Variants in NUP58 observed in about 807,000 individuals in gnomAD.
NUP58 encodes the protein nucleoporin 58, also known as nucleoporin p58/p45.
Under a neutral mutation model 70.1 loss-of-function variants are expected in NUP58, and 17 were observed. The observed-to-expected ratio is 0.24, with a 90% CI of 0.17 to 0.36. The LOEUF is 0.36. Ranked by LOEUF, NUP58 falls within the 10% of genes least tolerant of loss-of-function variation. The probability of loss-of-function intolerance (pLI) is 1.00; values close to 1 mark genes in which losing one functional copy is unlikely to be tolerated. For synonymous variants in NUP58, 275 were observed against 257.6 expected (o/e 1.07, Z -0.65); for missense variants, 644 against 701.5 (o/e 0.92, Z 0.93).
At chr13:25,331,269 C>G (rs2031592198) in intron 12 of NUP58, 88 bp from the exon 13 acceptor site, 1 of 1,251,772 alleles carries the variant, frequency 8.0e-7, no homozygotes, top group Non-Finnish European at 1.1e-6. Context: ...TTGGGACTGT[C>G]TTTGGTAATT....
At position 25,318,074 on chromosome 13, in the gene NUP58, A is replaced by T. The variant is rs113308408; in HGVS notation, c.686-1252A>T. 4.9e-3 allele frequency among the ~76,000 whole-genome samples: 752 copies of T among 152,134 alleles called. 4 individuals are homozygous for T. The highest frequency in any genetic ancestry group is 0.017 in the African/African-American group (705 of 41,502). ...GCCAGGCGCAGTGGCTCACGCCTGT[A>T]ATCCCAGCACTTTGGGAGGCCGGGG... On this transcript the variant is annotated intron_variant, in intron 6 of 15. Transcript: ENST00000381736.
At chr13:25,327,615 A>G in intron 12 of NUP58, 103 bp downstream of exon 12, 1 of 658,578 alleles carries the variant, frequency 1.5e-6, no homozygotes, top group East Asian at 2.7e-5. Context: ...AGCTAAAATT[A>G]CATATAAGTG....
chr13:25,309,258 A>G lies in NUP58; in HGVS notation c.262A>G (p.Thr88Ala), dbSNP rs1329353664. The stretch of plus-strand genomic sequence containing the variant: ...CTTTTTGTCCCCAGGAATAGCAACA[A>G]CTATAACTACAGGATTAACTCTGGG... The part of the protein sequence containing the change: ...LGGTNTGIAT[T>A]ITTGLTLGTP... The change falls in exon 3 of 16, where the codon ACT becomes GCT. Residue 88 changes from threonine (T) to alanine (A), a missense_variant. Around this residue, in one of 4 missense-constraint regions of NUP58, gnomAD observed 430 missense variants for 409.2 expected, o/e 1.05. Transcript: ENST00000381736. 2 of 1,607,048 alleles carry G rather than the reference A, an allele frequency of 1.2e-6. No individual in the cohort carries two copies. The highest frequency in any genetic ancestry group is 1.7e-6 in the Non-Finnish European group (2 of 1,174,138).
At chr13:25,343,826 T>TACAC (rs1227857988), downstream of NUP58, among the ~76,000 whole-genome samples, 1 of 127,572 alleles carries the variant, frequency 7.8e-6, no homozygotes, top group African/African-American at 2.9e-5. Context: ...TATATATATA[T>TACAC]ACACATATAT....
intron 1 of NUP58, among the ~76,000 whole-genome samples, chr13:25,303,518 G>A (rs1322035264): frequency 1.3e-5 from 2 of 151,760 alleles, no homozygotes. Flanking sequence ...ATCTTAGAAA[G>A]CCTGTCCTAG....
At chr13:25,320,505 A>G in intron 7 of NUP58, 25 bp from the exon 8 acceptor site, 1 of 1,533,458 alleles carries the variant, frequency 6.5e-7, no homozygotes, top group Non-Finnish European at 9.0e-7. Context: ...CAATGACCTT[A>G]ATACATGTTT....
In NUP58 at chr13:25,349,016, G is replaced by A. The variant is rs971582513; in HGVS notation, n.322-546G>A. Among the ~76,000 whole-genome samples the A allele has an allele frequency of 3.9e-5, 6 of 152,078 alleles. No individual in the cohort carries two copies. The East Asian group carries it at 7.7e-4, about 20-fold the overall frequency. On this transcript the variant is annotated intron_variant and non_coding_transcript_variant, in intron 3 of 3. Coordinates refer to the NUP58 transcript ENST00000477876. The stretch of plus-strand genomic sequence containing the variant: ...TTTCTTTTGTCTGGAGTAACTGTTA[G>A]CCCTTCAGCATCATCTTTCCTCATC...
chr13:25,302,902 C>T (rs1415746555), intron 1 of NUP58: 1 of 451,508 alleles, frequency 2.2e-6, no homozygotes, highest in East Asian at 7.0e-5. Flanking sequence ...TTACTTCTGC[C>T]ATTTCTGTTT....
At chr13:25,323,534 C>G (rs1349121696) in intron 9 of NUP58, among the ~76,000 whole-genome samples, 2 of 151,858 alleles carry the variant, frequency 1.3e-5, no homozygotes, top group Non-Finnish European at 2.9e-5. Context: ...AGTGAATTAC[C>G]AATTGAAAAA....
At chr13:25,306,623 TAATA>T (rs1408740162) in intron 1 of NUP58, among the ~76,000 whole-genome samples, 1 of 152,092 alleles carries the variant, frequency 6.6e-6, no homozygotes, top group East Asian at 1.9e-4. Flanking sequence ...GCAAAGGAAA[TAATA>T]AAGATAAATA....
downstream of NUP58, among the ~76,000 whole-genome samples, chr13:25,343,077 A>G (rs1335927424): frequency 6.6e-6 from 1 of 151,948 alleles, no homozygotes; most frequent in Non-Finnish European, 1.5e-5. Flanking sequence ...TTGCATGAGT[A>G]AGTTCTTTAG....
downstream of NUP58, among the ~76,000 whole-genome samples, chr13:25,343,828 CACATATATATAT>C (rs2032013745): frequency 6.0e-5 from 8 of 134,050 alleles, no homozygotes; most frequent in Non-Finnish European, 1.7e-5. Context: ...TATATATATA[CACATATATATAT>C]ACGCACACAC....
rs1040910420 is a variant in NUP58, at chr13:25,342,241, T to C, written c.*2107T>C. The C allele has an allele frequency of 6.6e-6, 1 of 152,628 alleles. No homozygotes were observed. Among genetic ancestry groups the C allele is most frequent in the Non-Finnish European group, 1.5e-5 (1 of 68,018 alleles). The allele number at this position is 152,628 out of a possible 1,614,324, so 9.5% of individuals were successfully genotyped here. ...TCATTGTACTGCAAAAATCTGAATA[T>C]TTATATTTCTTGTTTTTTTCTTTAT... On this transcript the variant is annotated 3_prime_UTR_variant, in exon 16 of 16. Coordinates refer to ENST00000381736, the MANE Select transcript of NUP58 (RefSeq NM_014089.4).
At position 25,326,332 on chromosome 13, in the gene NUP58, CCTT is replaced by C. The variant is rs1395512420; in HGVS notation, c.1032-580_1032-578del. Among the ~76,000 whole-genome samples, 4 of 149,552 alleles carry C rather than the reference CCTT, an allele frequency of 2.7e-5. No individual in the cohort carries two copies. The East Asian group carries it at 5.8e-4, about 22-fold the overall frequency. On this transcript the variant is annotated intron_variant, in intron 10 of 15. Coordinates refer to ENST00000381736, the MANE Select transcript of NUP58 (RefSeq NM_014089.4). The stretch of plus-strand genomic sequence containing the variant: ...ATTCCTCTGTATACTATTCAAGATA[CCTT>C]CTTTTTTTTTTTTTATCTGTCTAGC...
At chr13:25,348,430 T>A (rs1027684482) in intron 3 of NUP58, among the ~76,000 whole-genome samples, 4 of 152,170 alleles carry the variant, frequency 2.6e-5, no homozygotes, top group Admixed American at 6.5e-5. Flanking sequence ...TTTAATGTGG[T>A]TAGTATAAAA....
At chr13:25,345,105 A>G (rs1332733693), downstream of NUP58, among the ~76,000 whole-genome samples, 3 of 152,208 alleles carry the variant, frequency 2.0e-5, no homozygotes, top group Non-Finnish European at 4.4e-5. Flanking sequence ...ACCACTCAGC[A>G]TTTTATATAC....
downstream of NUP58, among the ~76,000 whole-genome samples, chr13:25,346,383 C>G (rs2032050825): frequency 6.6e-6 from 1 of 152,094 alleles, no homozygotes; most frequent in Non-Finnish European, 1.5e-5. Context: ...AGGCTTTTAA[C>G]TTTACATAAA....
chr13:25,324,683 G>C (rs2137788647), intron 9 of NUP58, among the ~76,000 whole-genome samples: 1 of 152,022 alleles, frequency 6.6e-6, no homozygotes, highest in Admixed American at 6.6e-5. Flanking sequence ...TTATATTAAT[G>C]ATTTTAAGTA....
rs747544816 is a variant in NUP58 at position 25,307,828 on chromosome 13, TTTGGAAATC to T, written c.137_145del (p.Asn46_Gly48del). 1 of 1,614,172 alleles carries T rather than the reference TTTGGAAATC, an allele frequency of 6.2e-7. No individual in the cohort carries two copies. Among genetic ancestry groups the T allele is most frequent in the African/African-American group, 1.3e-5 (1 of 75,050 alleles). ...AAGCAACCCTTCTGTGGGGCTCAAT[TTTGGAAATC>T]TTGGAAGTACTTCAACTCCAGCAAC... On this transcript the variant is annotated inframe_deletion, in exon 2 of 16. Transcript: ENST00000381736.
Sources: gnomAD v4.1 joint callset for allele counts (sites outside exome capture counted in the v4.1 genomes callset) on GRCh38, gnomAD v4.1.1 for gene constraint, gnomAD v4.1.1 regional missense constraint, MANE v1.5 for transcripts, NCBI Gene and HGNC (gene_info 2026-07-23, HGNC 2026-07-21) for gene names.